LMX1A: variants seen among roughly 807,000 people sequenced by gnomAD.
The protein encoded by LMX1A is LIM homeobox transcription factor 1-alpha.
Under a neutral mutation model 49.1 loss-of-function variants are expected in LMX1A, and 15 were observed. The observed-to-expected ratio is 0.31, with a 90% CI of 0.20 to 0.47. The LOEUF is 0.47. Among genes scored for constraint, LMX1A ranks in the 20% least tolerant of loss-of-function variants. The pLI is 1.00. For synonymous variants in LMX1A, 167 were observed against 185.7 expected (o/e 0.90, Z 0.82); for missense variants, 372 against 475.8 (o/e 0.78, Z 2.03).
chr1:165,209,944 G>A (rs1232117623), intron 6 of LMX1A, among the ~76,000 whole-genome samples: 1 of 152,222 alleles, frequency 6.6e-6, no homozygotes, highest in East Asian at 1.9e-4. Context: ...TTTCCAGGTA[G>A]AGAGTGTCAG....
intron 3 of LMX1A, among the ~76,000 whole-genome samples, chr1:165,351,793 CAAT>C (rs1245701771): frequency 3.9e-5 from 6 of 152,194 alleles, no homozygotes; most frequent in Non-Finnish European, 7.3e-5. Flanking sequence ...CCCCAGACAA[CAAT>C]AATAAATAAA....
chr1:165,330,236 G>C (rs1655706189), intron 3 of LMX1A, among the ~76,000 whole-genome samples: 1 of 152,202 alleles, frequency 6.6e-6, no homozygotes, highest in Non-Finnish European at 1.5e-5. Context: ...CACTTTGGAA[G>C]GCAAAGGCTG....
intron 3 of LMX1A, among the ~76,000 whole-genome samples, chr1:165,333,722 T>C (rs997890126): frequency 4.6e-5 from 7 of 152,124 alleles, no homozygotes; most frequent in African/African-American, 1.7e-4. Context: ...CCCAAGGACA[T>C]TGTTTATACA....
rs767677549 is a variant in LMX1A, at chr1:165,249,575, G to A, written c.329C>T (p.Ala110Val). 3.1e-6 allele frequency: 5 copies of A among 1,614,048 alleles called. No individual in the cohort carries two copies. In the African/African-American group the frequency reaches 6.7e-5, roughly 22 times the overall value. Reference protein sequence around the residue: ...AIAPNEFVMRAQKSVYHLSCF... With the variant: ...AIAPNEFVMRVQKSVYHLSCF... ...GCTCAGGTGGTATACACTCTTCTGG[G>A]CCCGCATAACAAACTCATTGGGAGC... Residue 110 changes from alanine to valine, a missense_variant, in exon 4 of 9, where the codon GCC (alanine) becomes GTC (valine). Physicochemically the swap from Ala to Val is moderately conservative, Grantham distance 64. Transcript: ENST00000342310.
chr1:165,318,391 T>C (rs1276668057), intron 3 of LMX1A, among the ~76,000 whole-genome samples: 2 of 152,156 alleles, frequency 1.3e-5, no homozygotes, highest in African/African-American at 4.8e-5. Flanking sequence ...CTTGTTCATG[T>C]TGGCAGAGGG....
chr1:165,219,490 A>G (rs1166179642), intron 4 of LMX1A, among the ~76,000 whole-genome samples: 1 of 152,140 alleles, frequency 6.6e-6, no homozygotes, highest in African/African-American at 2.4e-5. Flanking sequence ...TGAAGACAGG[A>G]TATATAGGAA....
At chr1:165,217,523 C>T (rs553906392) in intron 4 of LMX1A, among the ~76,000 whole-genome samples, 1 of 152,252 alleles carries the variant, frequency 6.6e-6, no homozygotes, top group South Asian at 2.1e-4. Flanking sequence ...GTTTTCAAAA[C>T]GAGGAGAAGA....
rs965050734 is a variant in LMX1A, at chr1:165,338,162, G to A, written c.263+14914C>T. ...CCCTCCATTTTGTCCCCAGAAATTA[G>A]CACAATCTGGTAAAAGTCAGGAATA... On this transcript the variant is annotated intron_variant, in intron 3 of 8. Transcript: ENST00000342310. Among the ~76,000 whole-genome samples the A allele has an allele frequency of 3.9e-5, 6 of 152,126 alleles. No homozygotes were observed. In the East Asian group the frequency reaches 7.7e-4, roughly 20 times the overall value.
At chr1:165,346,202 C>T (rs922560458) in intron 3 of LMX1A, among the ~76,000 whole-genome samples, 9 of 152,196 alleles carry the variant, frequency 5.9e-5, no homozygotes, top group African/African-American at 1.9e-4. Context: ...ATCTATCACT[C>T]TATTATACAA....
chr1:165,297,773 C>T (rs563220045), intron 3 of LMX1A, among the ~76,000 whole-genome samples: 2 of 152,330 alleles, frequency 1.3e-5, no homozygotes, highest in Non-Finnish European at 2.9e-5. Flanking sequence ...AGAAGGCTCA[C>T]TCTACTGAGC....
chr1:165,250,753 G>A (rs1284675123), intron 3 of LMX1A, among the ~76,000 whole-genome samples: 1 of 152,218 alleles, frequency 6.6e-6, no homozygotes, highest in Non-Finnish European at 1.5e-5. Flanking sequence ...AGAGGGCTGT[G>A]GGAGTACAGA....
At chr1:165,306,006 A>T (rs1402880134) in intron 3 of LMX1A, among the ~76,000 whole-genome samples, 1 of 152,184 alleles carries the variant, frequency 6.6e-6, no homozygotes, top group Non-Finnish European at 1.5e-5. Flanking sequence ...TACTAGCATG[A>T]ACGTCATTTG....
chr1:165,258,499 G>A (rs1195520920), intron 3 of LMX1A, among the ~76,000 whole-genome samples: 1 of 152,112 alleles, frequency 6.6e-6, no homozygotes, highest in Non-Finnish European at 1.5e-5. Context: ...ACTCTGCAGT[G>A]GTGAGAAAAT....
chr1:165,254,160 G>A (rs1653152651), intron 3 of LMX1A, among the ~76,000 whole-genome samples: 1 of 152,208 alleles, frequency 6.6e-6, no homozygotes, highest in African/African-American at 2.4e-5. Context: ...TGCAACAGCA[G>A]GTGGTAGCAT....
chr1:165,334,521 G>A (rs1193877728), intron 3 of LMX1A, among the ~76,000 whole-genome samples: 1 of 152,026 alleles, frequency 6.6e-6, no homozygotes, highest in Non-Finnish European at 1.5e-5. Flanking sequence ...CCCATCCAAG[G>A]TCACACAACT....
chr1:165,305,249 G>A lies in LMX1A; in HGVS notation c.263+47827C>T, dbSNP rs932907427. On this transcript the variant is annotated intron_variant, in intron 3 of 8. Transcript: ENST00000342310. ...AGCACACTTCCCAGGTAATGGGGTCGATGGACTCGTCGACACATATTGCCA... is the reference window on the plus strand; with the variant it reads ...AGCACACTTCCCAGGTAATGGGGTCAATGGACTCGTCGACACATATTGCCA... Among the ~76,000 whole-genome samples, 6 of 152,240 alleles carry A rather than the reference G, an allele frequency of 3.9e-5. No homozygotes were observed. The South Asian group carries it at 6.2e-4, about 16-fold the overall frequency.
At chr1:165,230,414 C>A (rs72637214) in intron 4 of LMX1A, among the ~76,000 whole-genome samples, 10,103 of 152,228 alleles carry the variant, frequency 0.066, 413 homozygotes, top group East Asian at 0.16. Flanking sequence ...GAAACCCCCC[C>A]AGTTTGCTAT....
At chr1:165,340,808 T>C (rs1656051050) in intron 3 of LMX1A, among the ~76,000 whole-genome samples, 1 of 152,198 alleles carries the variant, frequency 6.6e-6, no homozygotes, top group South Asian at 2.1e-4. Context: ...GGTACTGATG[T>C]AACAGTCCAC....
At chr1:165,344,594 T>C (rs1034360504) in intron 3 of LMX1A, among the ~76,000 whole-genome samples, 4 of 152,176 alleles carry the variant, frequency 2.6e-5, no homozygotes, top group Non-Finnish European at 5.9e-5. Flanking sequence ...AAGGCAGGTG[T>C]GTCCATAAAA....
Sources: gnomAD v4.1 joint callset for allele counts (sites outside exome capture counted in the v4.1 genomes callset) on GRCh38, gnomAD v4.1.1 for gene constraint, MANE v1.5 for transcripts, NCBI Gene and HGNC (gene_info 2026-07-23, HGNC 2026-07-21) for gene names.